Variants in USF3 observed in about 807,000 individuals in gnomAD.
The protein encoded by USF3 is upstream transcription factor family member 3, also known as basic helix-loop-helix domain-containing protein USF3.
Under a neutral mutation model 157.5 loss-of-function variants are expected in USF3, and 29 were observed. The observed-to-expected ratio is 0.18, with a 90% CI of 0.14 to 0.25. USF3 has a LOEUF of 0.25. Ranked by LOEUF, USF3 falls within the 10% of genes least tolerant of loss-of-function variation. The pLI, the probability that USF3 is intolerant of heterozygous loss-of-function variation, is 1.00. For missense variants in USF3, 2,381 were observed against 2,667.6 expected (o/e 0.89, Z 2.37); for synonymous variants, 893 against 941.4 (o/e 0.95, Z 0.94).
intron 1 of USF3, 81 bp from the exon 2 acceptor site, chr3:113,677,478 T>C (rs1707308141): frequency 6.6e-6 from 1 of 152,240 alleles, no homozygotes; most frequent in Admixed American, 6.5e-5. Context: ...TGACAACCTA[T>C]GGCATGCAAG....
rs1559709580 is a variant in USF3, at chr3:113,659,400, A to G, written c.2282T>C (p.Val761Ala). ...TAGTGTGGCTGAACTATCTGTTGTC[A>G]CAGGAGGTGCTGCAGTTGTTGTTAA... ...VSLTTTAAPP[V>A]TTDSSATLAS... Residue 761 changes from valine to alanine, a missense_variant, in exon 7 of 7, where the codon GTG (valine) becomes GCG (alanine). Physicochemically the swap from Val to Ala is moderately conservative, Grantham distance 64. Transcript: ENST00000316407. 6.2e-7 allele frequency: 1 copy of G among 1,614,238 alleles called. No homozygotes were observed. The highest frequency in any genetic ancestry group is 1.7e-5 in the Admixed American group (1 of 60,020).
In USF3 at chr3:113,649,617, C is replaced by T. The variant is rs1331975889; in HGVS notation, c.*5327G>A. On this transcript the variant is annotated 3_prime_UTR_variant, in exon 7 of 7. Coordinates refer to ENST00000316407, the MANE Select transcript of USF3 (RefSeq NM_001009899.4). ...GTCGAGAAGGTGTCTGATTACACAG[C>T]GTGTACCATCCCAGCTGGCCCTTTG... is the stretch of plus-strand genomic sequence containing the variant. 4.2e-6 allele frequency: 2 copies of T among 481,146 alleles called. No homozygotes were observed. The highest frequency in any genetic ancestry group is 7.6e-5 in the Admixed American group (2 of 26,462). The allele number at this position is 481,146 out of a possible 1,614,324, so 29.8% of individuals were successfully genotyped here.
Position 113,656,516 on chromosome 3 carries a change from G to C in USF3, c.5166C>G (p.Asp1722Glu). ...LAIHNMQGRVDHTVASDIRLS... is the reference protein window; with the variant it reads ...LAIHNMQGRVEHTVASDIRLS... The stretch of plus-strand genomic sequence containing the variant: ...GGCGGATATCTGAGGCCACAGTATG[G>C]TCCACACGACCCTGCATATTATGAA... Residue 1722 changes from aspartate (D) to glutamate (E), a missense_variant, in exon 7 of 7, where the codon GAC (aspartate) becomes GAG (glutamate). Physicochemically the swap from Asp to Glu is conservative, Grantham distance 45. Coordinates refer to ENST00000316407, the MANE Select transcript of USF3 (RefSeq NM_001009899.4). 6.2e-7 allele frequency: 1 copy of C among 1,614,138 alleles called. No individual in the cohort carries two copies.
Position 113,656,392 on chromosome 3 carries a change from C to T in USF3, c.5290G>A (p.Val1764Ile). ...GACTGCATACTCCGCAATGATGATA[C>T]AGGGTTACCTATTTCATTGTTTCTT... ...SSRNNEIGNP[V>I]SSLRSMQSQA... Residue 1764 changes from valine to isoleucine, a missense_variant, in exon 7 of 7, where the codon GTA becomes ATA. Val to Ile is a conservative substitution (Grantham distance 29). Around this residue, in one of 6 missense-constraint regions of USF3, gnomAD observed 770 missense variants for 824.2 expected, o/e 0.93. Coordinates refer to ENST00000316407, the MANE Select transcript of USF3 (RefSeq NM_001009899.4). 6 of 1,614,168 alleles carry T rather than the reference C, an allele frequency of 3.7e-6. No homozygotes were observed. Among genetic ancestry groups the T allele is most frequent in the Non-Finnish European group, 5.1e-6 (6 of 1,180,028 alleles).
At chr3:113,693,781 C>T (rs1336839841) in intron 1 of USF3, among the ~76,000 whole-genome samples, 1 of 152,128 alleles carries the variant, frequency 6.6e-6, no homozygotes, top group Non-Finnish European at 1.5e-5. Flanking sequence ...AGTAAGCTAT[C>T]CAGAAAACTT....
At chr3:113,683,616 G>A (rs961809764) in intron 1 of USF3, among the ~76,000 whole-genome samples, 11 of 151,838 alleles carry the variant, frequency 7.2e-5, no homozygotes, top group South Asian at 6.3e-4. Flanking sequence ...CTACAGGCAC[G>A]CACCACCATG....
chr3:113,662,849 C>G (rs533517883), intron 6 of USF3, among the ~76,000 whole-genome samples: 13 of 151,978 alleles, frequency 8.6e-5, no homozygotes, highest in Middle Eastern at 3.4e-3. Context: ...ATTATCACCA[C>G]TTTTAGATGT....
chr3:113,660,535 T>C lies in USF3; in HGVS notation c.1147A>G (p.Thr383Ala), dbSNP rs1269977465. Reference protein sequence around the residue: ...ASSAPGVGKATIPISTLSGNP... With the variant: ...ASSAPGVGKAAIPISTLSGNP... The stretch of plus-strand genomic sequence containing the variant: ...CCCGAAAGAGTGCTTATAGGAATGG[T>C]GGCCTTCCCTACTCCAGGGGCAGAT... The change falls in exon 7 of 7, where the codon ACC (threonine) becomes GCC (alanine). Residue 383 changes from threonine (T) to alanine (A), a missense_variant. This residue lies in a region of USF3 where 1,435 missense variants were observed against 1,550.9 expected (regional missense o/e 0.93). Transcript: ENST00000316407. 3.1e-6 allele frequency: 5 copies of C among 1,614,158 alleles called. No individual in the cohort carries two copies. In the South Asian group the frequency reaches 5.5e-5, roughly 18 times the overall value.
intron 2 of USF3, among the ~76,000 whole-genome samples, chr3:113,675,451 TA>T (rs1707260583): frequency 1.3e-5 from 2 of 152,212 alleles, no homozygotes; most frequent in Admixed American, 1.3e-4. Flanking sequence ...TGACTGTCAT[TA>T]AAATCTGGGT....
rs1281288294 is a variant in USF3 at position 113,654,646 on chromosome 3, G to C, written c.*298C>G. 2.8e-6 allele frequency: 1 copy of C among 354,432 alleles called. No individual in the cohort carries two copies. The highest frequency in any genetic ancestry group is 5.1e-6 in the Non-Finnish European group (1 of 196,362). The allele number at this position is 354,432 out of a possible 1,614,324, so 22.0% of individuals were successfully genotyped here. On this transcript the variant is annotated 3_prime_UTR_variant, in exon 7 of 7. Transcript: ENST00000316407. ...GGCTCCCTCCTACTACCCAGTACAT[G>C]ACAAGATGATCTCCCCCAATTTCCA...
At chr3:113,675,756 T>C (rs1707266696) in intron 2 of USF3, among the ~76,000 whole-genome samples, 1 of 152,332 alleles carries the variant, frequency 6.6e-6, no homozygotes, top group Non-Finnish European at 1.5e-5. Context: ...AGAGGTTTAA[T>C]TGAGTCACAG....
Position 113,655,090 on chromosome 3 carries a change from C to T in USF3, c.6592G>A (p.Ala2198Thr). The change falls in exon 7 of 7, where the codon GCC becomes ACC. Residue 2198 changes from alanine (A) to threonine (T), a missense_variant. By Grantham distance (58) the Ala-to-Thr change is moderately conservative. Coordinates refer to ENST00000316407, the MANE Select transcript of USF3 (RefSeq NM_001009899.4). The stretch of plus-strand genomic sequence containing the variant: ...GCTGAGCCATCAGGAAGCGCTGTGG[C>T]TATTTCTGGAAACAAAGATGTCATA... Reference protein sequence around the residue: ...FNMTSLFPEIATALPDGSAMS... With the variant: ...FNMTSLFPEITTALPDGSAMS... The T allele has an allele frequency of 6.2e-7, 1 of 1,614,136 alleles. No homozygotes were observed. The highest frequency in any genetic ancestry group is 8.5e-7 in the Non-Finnish European group (1 of 1,180,016).
chr3:113,673,946 T>G (rs902747095), intron 3 of USF3, among the ~76,000 whole-genome samples: 4 of 152,204 alleles, frequency 2.6e-5, no homozygotes, highest in African/African-American at 9.7e-5. Flanking sequence ...CTAAAAGCAT[T>G]GACTTTCCTT....
rs1947320323 is a variant in USF3, at chr3:113,654,612, TAA to T, written c.*330_*331del. 1 of 237,094 alleles carries T rather than the reference TAA, an allele frequency of 4.2e-6. No homozygotes were observed. The highest frequency in any genetic ancestry group is 1.1e-4 in the South Asian group (1 of 8,968). 14.7% of individuals were successfully genotyped at this position (237,094 alleles called of 1,614,324 possible). On this transcript the variant is annotated 3_prime_UTR_variant, in exon 7 of 7. Transcript: ENST00000316407. ...TCCATAAGTTATCAACAATCAAGTT[TAA>T]AGTCTAGGCTCCCTCCTACTACCCA...
rs985174920 is a variant in USF3, at chr3:113,649,814, A to G, written c.*5130T>C. Reference sequence around the variant, plus strand: ...TATCAGCATGGACTGACTCAATCTAAATTTGGTGTCCCCCCTCCACAGGTT... The same window carrying G: ...TATCAGCATGGACTGACTCAATCTAGATTTGGTGTCCCCCCTCCACAGGTT... On this transcript the variant is annotated 3_prime_UTR_variant, in exon 7 of 7. Transcript: ENST00000316407. 12 of 702,710 alleles carry G rather than the reference A, an allele frequency of 1.7e-5. No homozygotes were observed. Among genetic ancestry groups the G allele is most frequent in the African/African-American group, 1.6e-4 (9 of 57,222 alleles). The allele number at this position is 702,710 out of a possible 1,614,324, so 43.5% of individuals were successfully genotyped here. A position where few individuals can be genotyped will look rare whatever the true frequency, so the allele number is the denominator to read the frequency against.
rs1353152927 is a variant in USF3, at chr3:113,661,372, C to A, written c.310G>T (p.Gly104Cys). The A allele has an allele frequency of 6.3e-7, 1 of 1,585,648 alleles. No homozygotes were observed. The highest frequency in any genetic ancestry group is 2.2e-5 in the East Asian group (1 of 44,606). The change falls in exon 7 of 7, where the codon GGC becomes TGC. Residue 104 changes from glycine to cysteine, a missense_variant. By Grantham distance (159) the Gly-to-Cys change is radical (BLOSUM62 -3). This residue lies in a region of USF3 where 105 missense variants were observed against 158.6 expected (regional missense o/e 0.66). Coordinates refer to ENST00000316407, the MANE Select transcript of USF3 (RefSeq NM_001009899.4). ...GCTTTCAGTAATTCAATATATCGGCCATTTTCTTTTTGGATTTCTTCCAGT... is the reference window on the plus strand; with the variant it reads ...GCTTTCAGTAATTCAATATATCGGCAATTTTCTTTTTGGATTTCTTCCAGT... ...KQLEEIQKEN[G>C]RYIELLKAND...
At chr3:113,680,477 C>G (rs1707388878) in intron 1 of USF3, among the ~76,000 whole-genome samples, 1 of 151,866 alleles carries the variant, frequency 6.6e-6, no homozygotes, top group Non-Finnish European at 1.5e-5. Context: ...TGGGTCTCCT[C>G]TTTATGTCTC....
intron 6 of USF3, among the ~76,000 whole-genome samples, chr3:113,661,785 T>C (rs1374459027): frequency 6.6e-6 from 1 of 152,204 alleles, no homozygotes; most frequent in Non-Finnish European, 1.5e-5. Flanking sequence ...TGAATATCAA[T>C]ATGCCATTTA....
At chr3:113,688,895 G>GTGGC (rs1161552227) in intron 1 of USF3, among the ~76,000 whole-genome samples, 1 of 152,186 alleles carries the variant, frequency 6.6e-6, no homozygotes, top group Non-Finnish European at 1.5e-5. Flanking sequence ...GCTGGGCGTG[G>GTGGC]TGGCGGGAGC....
Sources: allele counts gnomAD v4.1 joint callset (sites outside exome capture counted in the v4.1 genomes callset), GRCh38; gene constraint gnomAD v4.1.1; regional missense constraint gnomAD v4.1.1; transcripts MANE v1.5; gene names NCBI Gene and HGNC (gene_info 2026-07-23, HGNC 2026-07-21).